The following UPF2 variants were observed in gnomAD, a reference collection of about 807,000 sequenced individuals.
The protein encoded by UPF2 is regulator of nonsense transcripts 2.
A neutral mutation model predicts 141.4 loss-of-function variants in UPF2; 17 were observed. The ratio of observed to expected loss-of-function variants is 0.12; its 90% CI spans 0.08 to 0.18. UPF2 has a LOEUF of 0.18. Ranked by LOEUF, UPF2 falls within the 10% of genes least tolerant of loss-of-function variation. UPF2 has a pLI of 1.00. For missense variants in UPF2, 1,152 were observed against 1,515.9 expected, an observed-to-expected ratio of 0.76 and a Z score of 3.99; for synonymous variants, 540 against 498.0, an observed-to-expected ratio of 1.08 and a Z score of -1.12.
intron 8 of UPF2, among the ~76,000 whole-genome samples, chr10:11,989,832 G>C (rs1160936102): frequency 6.6e-6 from 1 of 152,170 alleles, no homozygotes; most frequent in Non-Finnish European, 1.5e-5. Flanking sequence ...TAGTGACGTA[G>C]ATGAAAGTGG....
intron 1 of UPF2, among the ~76,000 whole-genome samples, chr10:12,039,085 T>G (rs1254205652): frequency 6.6e-6 from 1 of 152,314 alleles, no homozygotes; most frequent in East Asian, 1.9e-4. Flanking sequence ...AAGACTATAA[T>G]ACTAATACAC....
At chr10:11,981,735 G>A (rs1178049331) in intron 8 of UPF2, among the ~76,000 whole-genome samples, 2 of 151,992 alleles carry the variant, frequency 1.3e-5, no homozygotes, top group Non-Finnish European at 2.9e-5. Flanking sequence ...GGCTGGAGTG[G>A]AGTGCAGTGG....
chr10:11,925,153 T>C (rs867728549), intron 21 of UPF2, among the ~76,000 whole-genome samples: 1 of 152,168 alleles, frequency 6.6e-6, no homozygotes, highest in East Asian at 1.9e-4. Context: ...AAAGAACATC[T>C]GGTCCTCTAA....
intron 3 of UPF2, among the ~76,000 whole-genome samples, chr10:12,018,866 A>C (rs1017504420): frequency 3.3e-5 from 5 of 152,226 alleles, no homozygotes; most frequent in African/African-American, 4.8e-5. Flanking sequence ...AACTTTATGC[A>C]ACTCACAGGA....
At chr10:11,974,887 T>C (rs1367102926) in intron 9 of UPF2, among the ~76,000 whole-genome samples, 1 of 152,226 alleles carries the variant, frequency 6.6e-6, no homozygotes, top group Non-Finnish European at 1.5e-5. Context: ...TCTATTTATA[T>C]GTTTTATCTC....
At chr10:11,926,045 G>A (rs1343932977) in intron 21 of UPF2, among the ~76,000 whole-genome samples, 2 of 152,220 alleles carry the variant, frequency 1.3e-5, no homozygotes, top group Non-Finnish European at 2.9e-5. Flanking sequence ...AGGAGGCTGA[G>A]GCAGCAACAG....
chr10:12,038,595 G>A (rs1834676941), intron 1 of UPF2, among the ~76,000 whole-genome samples: 1 of 151,328 alleles, frequency 6.6e-6, no homozygotes, highest in African/African-American at 2.4e-5. Context: ...CAGGCATGGT[G>A]GAGGGTGCCT....
chr10:11,967,924 G>A (rs1217781283), intron 9 of UPF2, among the ~76,000 whole-genome samples: 1 of 151,558 alleles, frequency 6.6e-6, no homozygotes, highest in Non-Finnish European at 1.5e-5. Flanking sequence ...GCTCACACCT[G>A]TAATCCCAGC....
Position 12,004,876 on chromosome 10 carries a change from G to A in UPF2, c.1307-149C>T, listed in dbSNP as rs140560861. The A allele has an allele frequency of 5.8e-4, 382 of 658,646 alleles. 1 individual carries two copies. In the Middle Eastern group the frequency reaches 5.9e-3, roughly 10 times the overall value. The allele number at this position is 658,646 out of a possible 1,614,324, so 40.8% of individuals were successfully genotyped here. The stretch of plus-strand genomic sequence containing the variant: ...CTTCAATTAACAAGCACATGTGACC[G>A]TTTTCAACACCAAATCACAAACTGT... On this transcript the variant is annotated intron_variant, in intron 4 of 21. Coordinates refer to ENST00000357604, the MANE Select transcript of UPF2 (RefSeq NM_015542.4).
chr10:11,991,514 A>G (rs753426709), intron 8 of UPF2, among the ~76,000 whole-genome samples: 7 of 152,236 alleles, frequency 4.6e-5, no homozygotes, highest in Non-Finnish European at 1.0e-4. Context: ...AGAAGGACCC[A>G]GAATGATCAA....
chr10:11,978,715 G>A (rs186201258), intron 9 of UPF2, among the ~76,000 whole-genome samples: 61 of 152,188 alleles, frequency 4.0e-4, no homozygotes, highest in Non-Finnish European at 7.9e-4. Context: ...CACCACACCC[G>A]GACTCATGGC....
intron 19 of UPF2, among the ~76,000 whole-genome samples, chr10:11,933,624 T>G (rs1832807552): frequency 6.6e-6 from 1 of 152,220 alleles, no homozygotes; most frequent in Non-Finnish European, 1.5e-5. Flanking sequence ...ACACATAATC[T>G]TATTTTGACC....
At chr10:11,950,400 C>T (rs980628868) in intron 15 of UPF2, among the ~76,000 whole-genome samples, 4 of 152,176 alleles carry the variant, frequency 2.6e-5, no homozygotes, top group African/African-American at 9.7e-5. Flanking sequence ...ACGTCTTCTT[C>T]CTCAACCAGG....
intron 9 of UPF2, 52 bp from the exon 10 acceptor site, chr10:11,967,506 T>C: frequency 1.8e-6 from 2 of 1,085,590 alleles, no homozygotes; most frequent in South Asian, 1.6e-5. Context: ...TGAATCTCTG[T>C]GATAAAAACT....
At chr10:11,983,061 C>T (rs906043945) in intron 8 of UPF2, among the ~76,000 whole-genome samples, 3 of 152,156 alleles carry the variant, frequency 2.0e-5, no homozygotes, top group African/African-American at 7.2e-5. Flanking sequence ...CAAACAGTGC[C>T]TGGAACATAG....
rs1405883876 is a variant in UPF2, at chr10:11,990,296, T to C, written c.1844+7376A>G. 2.0e-5 allele frequency among the ~76,000 whole-genome samples: 3 copies of C among 152,110 alleles called. No individual in the cohort carries two copies. The East Asian group carries it at 5.8e-4, about 29-fold the overall frequency. On this transcript the variant is annotated intron_variant, in intron 8 of 21. Coordinates refer to ENST00000357604, the MANE Select transcript of UPF2 (RefSeq NM_015542.4). ...CAATGATAAACCCATATTCCTGACA[T>C]ACAACAAATGCTTAGCATCTGGAAA...
intron 8 of UPF2, among the ~76,000 whole-genome samples, chr10:11,983,528 ATGCCCAGC>A (rs1833635168): frequency 6.6e-6 from 1 of 152,092 alleles, no homozygotes; most frequent in Non-Finnish European, 1.5e-5. Context: ...GCGTGCTATC[ATGCCCAGC>A]TAATTTTTTG....
chr10:11,964,218 G>A, intron 10 of UPF2, 93 bp from the exon 11 acceptor site: 3 of 871,646 alleles, frequency 3.4e-6, no homozygotes, highest in Non-Finnish European at 5.0e-6. Context: ...TAACAACTTG[G>A]AAAACGTAAA....
At chr10:11,967,553 T>G (rs1032434596) in intron 9 of UPF2, 99 bp from the exon 10 acceptor site, 9 of 736,878 alleles carry the variant, frequency 1.2e-5, no homozygotes, top group African/African-American at 1.9e-5. Flanking sequence ...CCAGTTTTTT[T>G]TTTTTTTTTT....
Sources: gnomAD v4.1 joint callset for allele counts (sites outside exome capture counted in the v4.1 genomes callset) on GRCh38, gnomAD v4.1.1 for gene constraint, MANE v1.5 for transcripts, NCBI Gene and HGNC (gene_info 2026-07-23, HGNC 2026-07-21) for gene names.